The following GRM5 variants were observed in gnomAD, a reference collection of about 807,000 sequenced individuals.
GRM5 encodes glutamate metabotropic receptor 5, also known as metabotropic glutamate receptor 5.
A neutral mutation model predicts 83.1 loss-of-function variants in GRM5; 19 were observed. The observed-to-expected ratio is 0.23, with a 90% CI of 0.16 to 0.34. GRM5 has a LOEUF of 0.34. Among genes scored for constraint, GRM5 ranks in the 10% least tolerant of loss-of-function variants. GRM5 has a pLI of 1.00. For missense variants in GRM5, 1,160 were observed against 1,588.3 expected, an observed-to-expected ratio of 0.73 and a Z score of 4.58; for synonymous variants, 675 against 633.6, an observed-to-expected ratio of 1.07 and a Z score of -0.98.
At chr11:88,904,838 C>A (rs1945376814) in intron 2 of GRM5, among the ~76,000 whole-genome samples, 1 of 152,102 alleles carries the variant, frequency 6.6e-6, no homozygotes, top group Admixed American at 6.6e-5. Context: ...GAATACCATT[C>A]AATTCACCGC....
chr11:88,963,053 C>A (rs1306192208), intron 2 of GRM5, among the ~76,000 whole-genome samples: 1 of 152,156 alleles, frequency 6.6e-6, no homozygotes, highest in Admixed American at 6.5e-5. Context: ...CATGCCACTG[C>A]ACACTCCAGC....
chr11:88,586,908 G>C (rs1943326715), intron 7 of GRM5, among the ~76,000 whole-genome samples: 1 of 152,008 alleles, frequency 6.6e-6, no homozygotes, highest in Non-Finnish European at 1.5e-5. Flanking sequence ...GTCTATATAG[G>C]ATAAATTCCA....
intron 4 of GRM5, among the ~76,000 whole-genome samples, chr11:88,644,812 A>G (rs1352150280): frequency 6.6e-6 from 1 of 152,086 alleles, no homozygotes; most frequent in Non-Finnish European, 1.5e-5. Context: ...TTACAGAGAA[A>G]GAAAGGGAGA....
rs371214523 is a variant in GRM5 at position 88,628,418 on chromosome 11, A to T, written c.1148-23454T>A. On this transcript the variant is annotated intron_variant, in intron 4 of 9. Transcript: ENST00000305447. ...TGAAAGAAATTTAACTCATGCCTTG[A>T]ATTTGTATCAATACTTCATTGGAAA... Among the ~76,000 whole-genome samples, 62 of 152,330 alleles carry T rather than the reference A, an allele frequency of 4.1e-4. 1 individual carries two copies. The East Asian group carries it at 0.01, about 25-fold the overall frequency.
intron 3 of GRM5, among the ~76,000 whole-genome samples, chr11:88,737,223 G>A (rs1348067322): frequency 1.3e-5 from 2 of 152,032 alleles, no homozygotes; most frequent in Non-Finnish European, 2.9e-5. Flanking sequence ...CATTGTGGAT[G>A]TCTCCTTTAA....
At chr11:88,923,744 T>C (rs1945734392) in intron 2 of GRM5, among the ~76,000 whole-genome samples, 1 of 151,900 alleles carries the variant, frequency 6.6e-6, no homozygotes, top group African/African-American at 2.4e-5. Flanking sequence ...CCTGAGGTGA[T>C]GAATATCTCA....
intron 6 of GRM5, among the ~76,000 whole-genome samples, chr11:88,591,364 G>A (rs184127830): frequency 1.3e-3 from 205 of 152,260 alleles, no homozygotes; most frequent in Non-Finnish European, 2.2e-3. Flanking sequence ...TGAGGTCACT[G>A]AGACTATTAT....
chr11:88,776,530 G>A (rs1480914859), intron 3 of GRM5, among the ~76,000 whole-genome samples: 1 of 152,172 alleles, frequency 6.6e-6, no homozygotes, highest in Non-Finnish European at 1.5e-5. Flanking sequence ...TTTCTTCATA[G>A]CATCGATGGT....
chr11:89,064,344 C>A (rs1206287621), intron 1 of GRM5, among the ~76,000 whole-genome samples: 11 of 152,106 alleles, frequency 7.2e-5, no homozygotes, highest in Admixed American at 1.3e-4. Context: ...TAGCATATGA[C>A]TTTAGGCTCT....
At chr11:88,931,572 T>C (rs1179233321) in intron 2 of GRM5, among the ~76,000 whole-genome samples, 2 of 152,110 alleles carry the variant, frequency 1.3e-5, no homozygotes, top group Non-Finnish European at 1.5e-5. Flanking sequence ...TGGAAAACCA[T>C]GTTGAGGAAC....
chr11:88,955,957 G>A (rs1293515370), intron 2 of GRM5, among the ~76,000 whole-genome samples: 2 of 152,182 alleles, frequency 1.3e-5, no homozygotes, highest in African/African-American at 2.4e-5. Flanking sequence ...TATAAGATAG[G>A]TTCTTAAATA....
At position 88,567,599 on chromosome 11, in the gene GRM5, A is replaced by G. The variant is rs745410214; in HGVS notation, c.2084T>C (p.Val695Ala). The G allele has an allele frequency of 1.2e-6, 2 of 1,614,170 alleles. No individual in the cohort carries two copies. Among genetic ancestry groups the G allele is most frequent in the Non-Finnish European group, 1.7e-6 (2 of 1,180,004 alleles). Residue 695 changes from valine (V) to alanine (A), a missense_variant, in exon 8 of 10, where the codon GTG (valine) becomes GCG (alanine). Transcript: ENST00000305447. The surrounding 1 kb of genome is among the most constrained non-coding windows in gnomAD (Gnocchi z 7.3). ...PRFMSACAQL[V>A]IAFILICIQL... ...GATGCATATGAGAATGAAAGCAATC[A>G]CTAGCTGGGCACAGGCACTCATGAA...
intron 3 of GRM5, among the ~76,000 whole-genome samples, chr11:88,706,562 T>G (rs1444003637): frequency 6.6e-6 from 1 of 152,040 alleles, no homozygotes; most frequent in Non-Finnish European, 1.5e-5. Flanking sequence ...ACCCAGGAAA[T>G]TTTGGAAGGT....
intron 3 of GRM5, among the ~76,000 whole-genome samples, chr11:88,710,406 G>A (rs145109659): frequency 4.6e-5 from 7 of 152,226 alleles, no homozygotes; most frequent in Non-Finnish European, 7.4e-5. Flanking sequence ...GGCCTGCCTC[G>A]CTAGGGAGAG....
intron 8 of GRM5, among the ~76,000 whole-genome samples, chr11:88,547,186 C>T (rs2135141330): frequency 6.6e-6 from 1 of 152,018 alleles, no homozygotes; most frequent in African/African-American, 2.4e-5. Context: ...TAATAGAAAA[C>T]TGGGAAGAAA....
chr11:88,813,609 A>C (rs975923418), intron 3 of GRM5, among the ~76,000 whole-genome samples: 3 of 152,130 alleles, frequency 2.0e-5, no homozygotes, highest in Admixed American at 2.0e-4. Context: ...AAAAAGCCCC[A>C]GTTTTATATC....
chr11:88,684,725 T>A (rs1270496491), intron 3 of GRM5, among the ~76,000 whole-genome samples: 1 of 152,178 alleles, frequency 6.6e-6, no homozygotes, highest in Non-Finnish European at 1.5e-5. Flanking sequence ...ATGGGGCAGT[T>A]CCCCCGATAC....
chr11:88,540,165 T>G (rs1160865650), intron 8 of GRM5, among the ~76,000 whole-genome samples: 1 of 152,202 alleles, frequency 6.6e-6, no homozygotes, highest in Non-Finnish European at 1.5e-5. Context: ...ATTCACCAGT[T>G]CTTGTCTCAA....
intron 7 of GRM5, among the ~76,000 whole-genome samples, chr11:88,578,864 AAGAC>A (rs1042255685): frequency 1.3e-5 from 2 of 152,070 alleles, no homozygotes; most frequent in African/African-American, 4.8e-5. Flanking sequence ...TGAAAAAAAA[AAGAC>A]AGTGCACAAA....
Sources: allele counts gnomAD v4.1 joint callset (sites outside exome capture counted in the v4.1 genomes callset), GRCh38; gene constraint gnomAD v4.1.1; non-coding constraint Gnocchi (gnomAD v3.1); transcripts MANE v1.5; gene names NCBI Gene and HGNC (gene_info 2026-07-23, HGNC 2026-07-21).